The following PCDHGB3 variants were observed in gnomAD, a reference collection of about 807,000 sequenced individuals.
PCDHGB3 encodes the protein protocadherin gamma subfamily B, 3.
Under a neutral mutation model 59.2 loss-of-function variants are expected in PCDHGB3, and 40 were observed. The observed-to-expected ratio is 0.68, with a 90% CI of 0.52 to 0.88. The LOEUF is 0.88. PCDHGB3 is among the 40% of genes least tolerant of loss of function. The probability of loss-of-function intolerance (pLI) is 0.00; values close to 1 mark genes in which losing one functional copy is unlikely to be tolerated. For synonymous variants in PCDHGB3, 581 were observed against 503.6 expected, an observed-to-expected ratio of 1.15 and a Z score of -2.06; for missense variants, 1,309 against 1,187.9, an observed-to-expected ratio of 1.10 and a Z score of -1.50.
chr5:141,418,897 A>T, intron 1 of PCDHGB3: 1 of 1,613,980 alleles, frequency 6.2e-7, no homozygotes, highest in Non-Finnish European at 8.5e-7. Flanking sequence ...ACAGCCCAGA[A>T]ATAATCATCA....
intron 1 of PCDHGB3, chr5:141,400,270 T>G: frequency 6.2e-7 from 1 of 1,614,058 alleles, no homozygotes; most frequent in Non-Finnish European, 8.5e-7. Flanking sequence ...GCGACGCTCC[T>G]CCAGCCCTGC....
chr5:141,465,611 C>T (rs1393170181), intron 1 of PCDHGB3, among the ~76,000 whole-genome samples: 1 of 152,178 alleles, frequency 6.6e-6, no homozygotes, highest in African/African-American at 2.4e-5. Context: ...CTCTTTGGCC[C>T]TCCAGGAAGT....
rs1458644316 is a variant in PCDHGB3 at position 141,372,571 on chromosome 5, A to G, written c.2177A>G (p.Tyr726Cys). 1.9e-6 allele frequency: 3 copies of G among 1,613,904 alleles called. No individual in the cohort carries two copies. In the Admixed American group the frequency reaches 5.0e-5, roughly 27 times the overall value. ...TCCTCCAGACCCGCCACTGAGGGCT[A>G]CTTTCAGCCTGGTGTCTGCTTCAAG... ...RCSSRPATEG[Y>C]FQPGVCFKTV... Residue 726 changes from tyrosine (Y) to cysteine (C), a missense_variant, in exon 1 of 4, where the codon TAC becomes TGC. Transcript: ENST00000576222.
At chr5:141,409,571 T>A in intron 1 of PCDHGB3, 2 of 1,613,932 alleles carry the variant, frequency 1.2e-6, no homozygotes, top group Non-Finnish European at 1.7e-6. Context: ...CCAGACGTCC[T>A]ACGTGGTCCA....
intron 1 of PCDHGB3, chr5:141,396,148 A>G (rs1589277067): frequency 6.6e-6 from 1 of 152,328 alleles, no homozygotes; most frequent in South Asian, 2.1e-4. Context: ...AAGCTGATCA[A>G]TTCAATTAAA....
chr5:141,452,015 C>T (rs2098730990), intron 1 of PCDHGB3, among the ~76,000 whole-genome samples: 1 of 152,306 alleles, frequency 6.6e-6, no homozygotes, highest in African/African-American at 2.4e-5. Context: ...GTCCAGCCCA[C>T]ACTCTGGGGA....
At chr5:141,421,880 G>C in intron 1 of PCDHGB3, 1 of 1,613,718 alleles carries the variant, frequency 6.2e-7, no homozygotes, top group Admixed American at 1.7e-5. Flanking sequence ...GCTTTAGATG[G>C]AGGCGATCCC....
Position 141,491,737 on chromosome 5 carries a change from G to C in PCDHGB3, c.2416-3070G>C, listed in dbSNP as rs548808722. 1.2e-6 allele frequency: 2 copies of C among 1,600,586 alleles called. No homozygotes were observed. The highest frequency in any genetic ancestry group is 2.7e-5 in the African/African-American group (2 of 74,486). On this transcript the variant is annotated intron_variant, in intron 1 of 3. Transcript: ENST00000576222. The surrounding 1 kb of genome is among the most constrained non-coding windows in gnomAD (Gnocchi z 6.9). ...GGCGCCGCCCCGGGCGACCCCTGGG[G>C]GCGGCACTGGAGAAGCCGCCCGTCC...
intron 1 of PCDHGB3, chr5:141,420,386 A>G (rs1407565643): frequency 6.2e-6 from 8 of 1,284,798 alleles, no homozygotes; most frequent in Non-Finnish European, 7.2e-6. Context: ...AGTTCGCAAA[A>G]TATAGGTCAA....
At chr5:141,384,550 T>C (rs1262991038) in intron 1 of PCDHGB3, 1 of 1,614,220 alleles carries the variant, frequency 6.2e-7, no homozygotes, top group Non-Finnish European at 8.5e-7. Context: ...ACTGAGCCTG[T>C]TCGTGCTGGA....
chr5:141,438,344 C>A (rs1591501799), intron 1 of PCDHGB3, among the ~76,000 whole-genome samples: 1 of 151,664 alleles, frequency 6.6e-6, no homozygotes, highest in African/African-American at 2.4e-5. Flanking sequence ...ATATAAGGAT[C>A]TACTCTGTGT....
chr5:141,433,358 C>T (rs974347696), intron 1 of PCDHGB3: 20 of 503,934 alleles, frequency 4.0e-5, no homozygotes, highest in African/African-American at 3.1e-4. Flanking sequence ...CTACTGTCTG[C>T]CTATCTATCT....
At chr5:141,390,107 C>G (rs778685705) in intron 1 of PCDHGB3, 19 of 1,614,066 alleles carry the variant, frequency 1.2e-5, no homozygotes, top group Non-Finnish European at 1.6e-5. Context: ...CCCCCAACTA[C>G]AGCGAGGGGA....
At chr5:141,472,729 T>G (rs2099294506) in intron 1 of PCDHGB3, among the ~76,000 whole-genome samples, 1 of 152,004 alleles carries the variant, frequency 6.6e-6, no homozygotes. Context: ...CTCACACCTG[T>G]AATCCCAGCA....
intron 1 of PCDHGB3, among the ~76,000 whole-genome samples, chr5:141,484,760 A>G (rs1472178052): frequency 2.0e-5 from 3 of 151,880 alleles, no homozygotes; most frequent in South Asian, 2.1e-4. Flanking sequence ...GTATATATAT[A>G]TATATGTTGT....
chr5:141,437,074 A>G (rs1455066447), intron 1 of PCDHGB3, among the ~76,000 whole-genome samples: 1 of 152,250 alleles, frequency 6.6e-6, no homozygotes, highest in Non-Finnish European at 1.5e-5. Flanking sequence ...GGTTTGGGCC[A>G]TATAAGAATT....
intron 1 of PCDHGB3, chr5:141,420,085 C>T: frequency 1.2e-6 from 2 of 1,614,028 alleles, no homozygotes; most frequent in Middle Eastern, 1.6e-4. Context: ...GTCCCCCCAA[C>T]TACAGTGAGG....
At chr5:141,383,396 C>T (rs749879106) in intron 1 of PCDHGB3, 64 of 1,613,910 alleles carry the variant, frequency 4.0e-5, no homozygotes, top group Non-Finnish European at 5.3e-5. Flanking sequence ...GGCACGAACT[C>T]CCTCCAGAGT....
Position 141,389,586 on chromosome 5 carries a change from G to A in PCDHGB3, c.2415+16777G>A, listed in dbSNP as rs369593580. 471 of 1,613,048 alleles carry A rather than the reference G, an allele frequency of 2.9e-4. No homozygotes were observed. Among genetic ancestry groups the A allele is most frequent in the Non-Finnish European group, 3.8e-4 (446 of 1,179,788 alleles). ...GGTGCTGTACCCCGCGCTGGGTCCC[G>A]ACGGCTCTGCGCTCTTCGATATGGT... On this transcript the variant is annotated intron_variant, in intron 1 of 3. Coordinates refer to ENST00000576222, the MANE Select transcript of PCDHGB3 (RefSeq NM_018924.5).
Sources: gnomAD v4.1 joint callset for allele counts (sites outside exome capture counted in the v4.1 genomes callset) on GRCh38, gnomAD v4.1.1 for gene constraint, Gnocchi (gnomAD v3.1) non-coding constraint, MANE v1.5 for transcripts, NCBI Gene and HGNC (gene_info 2026-07-23, HGNC 2026-07-21) for gene names.